Variants in HECW1 observed in about 807,000 individuals in gnomAD.
The protein encoded by HECW1 is E3 ubiquitin-protein ligase HECW1.
A neutral mutation model predicts 182.3 loss-of-function variants in HECW1; 61 were observed. The observed-to-expected ratio is 0.33, with a 90% CI of 0.27 to 0.41. The LOEUF is 0.41. HECW1 is among the 10% of genes least tolerant of loss of function. HECW1 has a pLI of 1.00. For synonymous variants in HECW1, 859 were observed against 832.6 expected, an observed-to-expected ratio of 1.03 and a Z score of -0.55; for missense variants, 1,739 against 2,108.9, an observed-to-expected ratio of 0.82 and a Z score of 3.44.
rs944876878 is a variant in HECW1, at chr7:43,112,811, C to CG, written c.-391dup. On this transcript the variant is annotated 5_prime_UTR_variant, in exon 1 of 30. Transcript: ENST00000395891. The stretch of plus-strand genomic sequence containing the variant: ...GCAGCCAGAGCGCAGCGAGAGCGGG[C>CG]GGTCGCCAGGGTCCCCTCCCCAGCC... The CG allele has an allele frequency of 8.8e-6, 2 of 228,462 alleles. No homozygotes were observed. Among genetic ancestry groups the CG allele is most frequent in the African/African-American group, 4.4e-5 (2 of 44,984 alleles). 14.2% of individuals were successfully genotyped at this position (228,462 alleles called of 1,614,324 possible).
intron 26 of HECW1, among the ~76,000 whole-genome samples, chr7:43,543,825 A>T (rs1307281466): frequency 6.6e-6 from 1 of 152,032 alleles, no homozygotes; most frequent in Admixed American, 6.6e-5. Flanking sequence ...TACTCATTTA[A>T]CTTCCCTGCC....
At chr7:43,313,559 A>G (rs749090725) in intron 4 of HECW1, among the ~76,000 whole-genome samples, 21 of 151,960 alleles carry the variant, frequency 1.4e-4, no homozygotes, top group Non-Finnish European at 2.6e-4. Context: ...CTGGTCTCGA[A>G]CTCCCGACCT....
chr7:43,301,770 G>T (rs1039052588), intron 3 of HECW1, among the ~76,000 whole-genome samples: 3 of 151,912 alleles, frequency 2.0e-5, no homozygotes, highest in African/African-American at 7.3e-5. Flanking sequence ...AGCTACTCGG[G>T]AGGCTGAAGC....
chr7:43,537,084 C>T (rs1307234766), intron 24 of HECW1, among the ~76,000 whole-genome samples: 1 of 152,184 alleles, frequency 6.6e-6, no homozygotes, highest in Non-Finnish European at 1.5e-5. Flanking sequence ...CAGTGCTACA[C>T]CCCAGGAGCA....
At position 43,487,109 on chromosome 7, in the gene HECW1, C is replaced by T. The variant is rs371023435; in HGVS notation, c.3235-4966C>T. The stretch of plus-strand genomic sequence containing the variant: ...AGGAATCTAGAGAGGAATGTAAATT[C>T]GTCCTTTGAGCCCTTCCTGTGAACT... On this transcript the variant is annotated intron_variant, in intron 17 of 29. Coordinates refer to ENST00000395891, the MANE Select transcript of HECW1 (RefSeq NM_015052.5). Among the ~76,000 whole-genome samples, 7 of 152,176 alleles carry T rather than the reference C, an allele frequency of 4.6e-5. No homozygotes were observed. The East Asian group carries it at 1.2e-3, about 25-fold the overall frequency.
chr7:43,202,506 C>T lies in HECW1; in HGVS notation c.-31-41369C>T, dbSNP rs1162361795. On this transcript the variant is annotated intron_variant, in intron 2 of 29. Transcript: ENST00000395891. The stretch of plus-strand genomic sequence containing the variant: ...TTTTTTTTTTTGAAACAGAATCTCA[C>T]TCTATCCCCCAGGCTGGAGTGCAGT... Among the ~76,000 whole-genome samples the T allele has an allele frequency of 2.0e-5, 3 of 149,456 alleles. No homozygotes were observed. In the East Asian group the frequency reaches 5.9e-4, roughly 29 times the overall value.
intron 6 of HECW1, among the ~76,000 whole-genome samples, chr7:43,362,582 A>G (rs1262294803): frequency 6.6e-6 from 1 of 152,228 alleles, no homozygotes; most frequent in Non-Finnish European, 1.5e-5. Context: ...ATCCCTCAAA[A>G]GAGGGTACCC....
In HECW1 at chr7:43,444,473, G is replaced by A; in HGVS notation, c.1301G>A (p.Gly434Glu). 1 of 1,613,296 alleles carries A rather than the reference G, an allele frequency of 6.2e-7. No individual in the cohort carries two copies. Among genetic ancestry groups the A allele is most frequent in the Non-Finnish European group, 8.5e-7 (1 of 1,179,694 alleles). ...GGAGACCAGGGCATGGTCTCTGTGGGACCTGAAGGGGCTGGGGAGCTCCTG... is the reference window on the plus strand; with the variant it reads ...GGAGACCAGGGCATGGTCTCTGTGGAACCTGAAGGGGCTGGGGAGCTCCTG... ...EAGDQGMVSVGPEGAGELLAQ... is the reference protein window; with the variant it reads ...EAGDQGMVSVEPEGAGELLAQ... Residue 434 changes from glycine to glutamate, a missense_variant, in exon 11 of 30, where the codon GGA becomes GAA. Coordinates refer to ENST00000395891, the MANE Select transcript of HECW1 (RefSeq NM_015052.5). This position sits in a 1 kb window ranked among gnomAD's most constrained non-coding sequence, Gnocchi z 4.3.
intron 5 of HECW1, among the ~76,000 whole-genome samples, chr7:43,336,308 C>G (rs1246974747): frequency 6.6e-6 from 1 of 151,472 alleles, no homozygotes; most frequent in Non-Finnish European, 1.5e-5. Context: ...TGGGACCACA[C>G]TCACACACCA....
rs545353765 is a variant in HECW1 at position 43,137,522 on chromosome 7, G to A, written c.-32+23131G>A. Among the ~76,000 whole-genome samples, 4 of 111,022 alleles carry A rather than the reference G, an allele frequency of 3.6e-5. No homozygotes were observed. The East Asian group carries it at 1.1e-3, about 30-fold the overall frequency. The allele number at this position is 111,022 out of a possible 152,430, so 72.8% of individuals were successfully genotyped here. Reference sequence around the variant, plus strand: ...ATCTTTTCTGCCTGGAATGCTTTCTGCCTTCTTTTATTTATTTATTTATTT... The same window carrying A: ...ATCTTTTCTGCCTGGAATGCTTTCTACCTTCTTTTATTTATTTATTTATTT... On this transcript the variant is annotated intron_variant, in intron 2 of 29. Transcript: ENST00000395891.
chr7:43,309,865 T>G (rs1211901103), intron 3 of HECW1, among the ~76,000 whole-genome samples: 1 of 152,174 alleles, frequency 6.6e-6, no homozygotes, highest in African/African-American at 2.4e-5. Context: ...CTCAGTGAGG[T>G]TTCCTTCCTA....
intron 3 of HECW1, among the ~76,000 whole-genome samples, chr7:43,291,867 A>T (rs1301302119): frequency 6.6e-6 from 1 of 152,228 alleles, no homozygotes; most frequent in African/African-American, 2.4e-5. Flanking sequence ...CTTAAATAAC[A>T]TCGTTCTCCA....
At chr7:43,492,054 A>T in intron 17 of HECW1, 21 bp from the exon 18 acceptor site, 1 of 1,551,418 alleles carries the variant, frequency 6.4e-7, no homozygotes, top group Non-Finnish European at 8.9e-7. Context: ...TCTAATGCTT[A>T]TGCTTTTATT....
chr7:43,314,825 C>T (rs1342031290), intron 4 of HECW1, among the ~76,000 whole-genome samples: 2 of 152,298 alleles, frequency 1.3e-5, no homozygotes, highest in South Asian at 2.1e-4. Flanking sequence ...CCACATTTTC[C>T]GTGCTTTGCC....
chr7:43,563,896 T>A lies in HECW1; in HGVS notation c.*1970T>A, dbSNP rs1428238079. 1.1e-5 allele frequency: 2 copies of A among 182,668 alleles called. No homozygotes were observed. Among genetic ancestry groups the A allele is most frequent in the Non-Finnish European group, 2.3e-5 (2 of 86,046 alleles). The allele number at this position is 182,668 out of a possible 1,614,324, so 11.3% of individuals were successfully genotyped here. On this transcript the variant is annotated 3_prime_UTR_variant, in exon 30 of 30. Coordinates refer to ENST00000395891, the MANE Select transcript of HECW1 (RefSeq NM_015052.5). Reference sequence around the variant, plus strand: ...AAAAAAATAAATAAAAATAAAAGCATTTTTTTAGTAGGAATTATCTACAAT... The same window carrying A: ...AAAAAAATAAATAAAAATAAAAGCAATTTTTTAGTAGGAATTATCTACAAT...
At chr7:43,272,225 A>G (rs930385032) in intron 3 of HECW1, among the ~76,000 whole-genome samples, 6 of 152,162 alleles carry the variant, frequency 3.9e-5, no homozygotes, top group Non-Finnish European at 1.5e-5. Flanking sequence ...TTCTCAAACT[A>G]TAAGAATCCT....
At chr7:43,390,281 T>C (rs2074971486) in intron 6 of HECW1, among the ~76,000 whole-genome samples, 1 of 152,042 alleles carries the variant, frequency 6.6e-6, no homozygotes, top group African/African-American at 2.4e-5. Flanking sequence ...GGCTCATGCC[T>C]GGAATCTCAG....
At chr7:43,489,881 G>A (rs977563192) in intron 17 of HECW1, among the ~76,000 whole-genome samples, 2 of 152,184 alleles carry the variant, frequency 1.3e-5, no homozygotes, top group Admixed American at 6.5e-5. Context: ...TTAAGTGGCC[G>A]TTTGGAACTG....
At chr7:43,221,373 C>G (rs1377391320) in intron 2 of HECW1, among the ~76,000 whole-genome samples, 2 of 151,766 alleles carry the variant, frequency 1.3e-5, no homozygotes, top group East Asian at 3.9e-4. Flanking sequence ...AAATATGTAC[C>G]AATCAATCAG....
Sources: allele counts gnomAD v4.1 joint callset (sites outside exome capture counted in the v4.1 genomes callset), GRCh38; gene constraint gnomAD v4.1.1; non-coding constraint Gnocchi (gnomAD v3.1); transcripts MANE v1.5; gene names NCBI Gene and HGNC (gene_info 2026-07-23, HGNC 2026-07-21).